Variants in NRCAM observed in about 807,000 individuals in gnomAD.
NRCAM encodes neuronal cell adhesion molecule.
NRCAM carries 83 observed loss-of-function variants against 156.5 expected under a neutral mutation model. That is an observed-to-expected ratio of 0.53 (90% CI 0.44 to 0.64). The LOEUF is 0.64. Ranked by LOEUF, NRCAM falls within the 30% of genes least tolerant of loss-of-function variation. The pLI, the probability that NRCAM is intolerant of heterozygous loss-of-function variation, is 0.00. For synonymous variants in NRCAM, 538 were observed against 563.9 expected (o/e 0.95, Z 0.65); for missense variants, 1,417 against 1,597.3 (o/e 0.89, Z 1.92).
intron 1 of NRCAM, among the ~76,000 whole-genome samples, chr7:108,420,375 TA>T (rs900392665): frequency 5.9e-5 from 9 of 152,160 alleles, no homozygotes; most frequent in Middle Eastern, 6.3e-3. Flanking sequence ...ACTACTTTGC[TA>T]AAAAAAGTCT....
At chr7:108,228,488 G>A (rs2093830601) in intron 8 of NRCAM, among the ~76,000 whole-genome samples, 1 of 152,142 alleles carries the variant, frequency 6.6e-6, no homozygotes, top group Non-Finnish European at 1.5e-5. Context: ...GAGGGTGGTG[G>A]CATTTTGCAT....
At chr7:108,450,260 T>C (rs1848823908) in intron 1 of NRCAM, among the ~76,000 whole-genome samples, 1 of 149,688 alleles carries the variant, frequency 6.7e-6, no homozygotes, top group East Asian at 1.9e-4. Context: ...CCACTGGCTT[T>C]TTTTTTTTTT....
rs181723972 is a variant in NRCAM at position 108,253,550 on chromosome 7, T to C, written c.-106-13380A>G. Among the ~76,000 whole-genome samples the C allele has an allele frequency of 2.8e-4, 43 of 152,250 alleles. 1 individual carries two copies. In the East Asian group the frequency reaches 7.7e-3, roughly 27 times the overall value. ...GGCAGAAACGTAAAGTTGGTGCCCG[T>C]TGTAAGGGGGCATAAATGCTGTTAT... is the stretch of plus-strand genomic sequence containing the variant. On this transcript the variant is annotated intron_variant, in intron 3 of 32. Transcript: ENST00000379028.
chr7:108,222,648 T>G (rs1588953117), intron 11 of NRCAM, among the ~76,000 whole-genome samples: 1 of 152,018 alleles, frequency 6.6e-6, no homozygotes, highest in African/African-American at 2.4e-5. Context: ...GAGTAATGCA[T>G]AGTATGATTT....
chr7:108,385,977 A>T (rs1220361597), intron 2 of NRCAM, among the ~76,000 whole-genome samples: 3 of 152,082 alleles, frequency 2.0e-5, no homozygotes, highest in South Asian at 4.1e-4. Flanking sequence ...ATGTAAGCAG[A>T]GCTGTTTTAG....
chr7:108,349,648 T>C (rs1422189798), intron 2 of NRCAM, among the ~76,000 whole-genome samples: 1 of 151,320 alleles, frequency 6.6e-6, no homozygotes, highest in Non-Finnish European at 1.5e-5. Flanking sequence ...GTGTATTTCA[T>C]CTTTTTATTA....
intron 26 of NRCAM, among the ~76,000 whole-genome samples, chr7:108,177,479 C>T (rs1307024895): frequency 6.6e-5 from 10 of 151,854 alleles, no homozygotes; most frequent in Non-Finnish European, 7.4e-5. Flanking sequence ...AAAAATTTGC[C>T]GGGCATGGTG....
At chr7:108,159,331 A>G in intron 32 of NRCAM, 132 bp downstream of exon 32, 1 of 801,300 alleles carries the variant, frequency 1.2e-6, no homozygotes, top group Non-Finnish European at 2.2e-6. Context: ...ACACTGATAC[A>G]TGGAAGTATC....
intron 12 of NRCAM, among the ~76,000 whole-genome samples, chr7:108,208,197 T>C (rs905314015): frequency 6.6e-6 from 1 of 151,132 alleles, no homozygotes; most frequent in Admixed American, 6.6e-5. Context: ...TCCCACCTAC[T>C]TGGGAGGCTG....
At chr7:108,352,006 G>A (rs778997992) in intron 2 of NRCAM, among the ~76,000 whole-genome samples, 29 of 152,010 alleles carry the variant, frequency 1.9e-4, no homozygotes, top group Non-Finnish European at 4.3e-4. Flanking sequence ...TCTCAAAGCA[G>A]AGATGAAAAG....
intron 24 of NRCAM, among the ~76,000 whole-genome samples, chr7:108,181,079 T>C (rs112667087): frequency 6.1e-4 from 93 of 152,330 alleles, no homozygotes; most frequent in African/African-American, 2.1e-3. Flanking sequence ...AAAGTACTGA[T>C]TAATTTTGGT....
At chr7:108,315,363 T>C (rs2098897338) in intron 2 of NRCAM, among the ~76,000 whole-genome samples, 2 of 152,174 alleles carry the variant, frequency 1.3e-5, no homozygotes. Flanking sequence ...AACCACCTTG[T>C]TAAAACTGGC....
At chr7:108,448,599 A>G (rs907096023) in intron 1 of NRCAM, among the ~76,000 whole-genome samples, 3 of 152,236 alleles carry the variant, frequency 2.0e-5, no homozygotes, top group African/African-American at 2.4e-5. Flanking sequence ...TTCACTTATT[A>G]TAATACATTC....
chr7:108,448,174 G>A (rs1208908501), intron 1 of NRCAM, among the ~76,000 whole-genome samples: 2 of 152,172 alleles, frequency 1.3e-5, no homozygotes, highest in Non-Finnish European at 1.5e-5. Flanking sequence ...TAAAATTCAT[G>A]AAACACACAA....
intron 1 of NRCAM, among the ~76,000 whole-genome samples, chr7:108,454,363 G>A (rs1205873412): frequency 6.6e-6 from 1 of 152,194 alleles, no homozygotes; most frequent in East Asian, 1.9e-4. Context: ...GGATTGTAAA[G>A]CACAAGGACA....
intron 1 of NRCAM, among the ~76,000 whole-genome samples, chr7:108,439,832 C>CA (rs34432715): frequency 0.24 from 17,250 of 70,574 alleles, 2,724 homozygotes; most frequent in East Asian, 0.39. Context: ...GACTCCGTCA[C>CA]AAAAAAAAAA....
In NRCAM at chr7:108,166,956, A is replaced by G; in HGVS notation, c.3431T>C (p.Phe1144Ser). The change falls in exon 30 of 33, where the codon TTT becomes TCT. Residue 1144 changes from phenylalanine to serine, a missense_variant. Physicochemically the swap from Phe to Ser is radical, Grantham distance 155. Coordinates refer to ENST00000379028, the MANE Select transcript of NRCAM (RefSeq NM_001037132.4). ...VRVGAVGDSG[F>S]VSSEDVFETG... is the part of the protein sequence containing the mutation. ...CTCAAACACATCCTCTGAACTCACA[A>G]AACCAGAGTCCCCCACAGCACCAAC... 1 of 1,613,860 alleles carries G rather than the reference A, an allele frequency of 6.2e-7. No homozygotes were observed. The highest frequency in any genetic ancestry group is 1.3e-5 in the African/African-American group (1 of 75,016).
At chr7:108,371,013 T>A (rs575354628) in intron 2 of NRCAM, among the ~76,000 whole-genome samples, 76 of 152,236 alleles carry the variant, frequency 5.0e-4, no homozygotes, top group Non-Finnish European at 9.0e-4. Flanking sequence ...TTGCAGACAA[T>A]AGATTTGAAT....
chr7:108,372,170 A>T (rs571273026), intron 2 of NRCAM, among the ~76,000 whole-genome samples: 1 of 152,304 alleles, frequency 6.6e-6, no homozygotes, highest in East Asian at 1.9e-4. Context: ...CCACAAATGA[A>T]TAAACCTGGT....
Sources: gnomAD v4.1 joint callset for allele counts (sites outside exome capture counted in the v4.1 genomes callset) on GRCh38, gnomAD v4.1.1 for gene constraint, MANE v1.5 for transcripts, NCBI Gene and HGNC (gene_info 2026-07-23, HGNC 2026-07-21) for gene names.